The following ASTN2 variants were observed in gnomAD, a reference collection of about 807,000 sequenced individuals.
ASTN2 encodes astrotactin 2, also known as astrotactin-2.
Under a neutral mutation model 139.8 loss-of-function variants are expected in ASTN2, and 54 were observed. The observed-to-expected ratio is 0.39, with a 90% CI of 0.31 to 0.48. The LOEUF is 0.48. Ranked by LOEUF, ASTN2 falls within the 20% of genes least tolerant of loss-of-function variation. The probability of loss-of-function intolerance (pLI) is 0.95; values close to 1 mark genes in which losing one functional copy is unlikely to be tolerated. For synonymous variants in ASTN2, 756 were observed against 719.5 expected (o/e 1.05, Z -0.81); for missense variants, 1,565 against 1,725.1 (o/e 0.91, Z 1.64).
intron 6 of ASTN2, among the ~76,000 whole-genome samples, chr9:117,034,064 A>T (rs1427380121): frequency 6.6e-6 from 1 of 152,068 alleles, no homozygotes; most frequent in Non-Finnish European, 1.5e-5. Flanking sequence ...CACTTGAATA[A>T]CTTCCAATGT....
chr9:117,373,248 A>G (rs757182047), intron 1 of ASTN2, among the ~76,000 whole-genome samples: 1 of 152,204 alleles, frequency 6.6e-6, no homozygotes, highest in Non-Finnish European at 1.5e-5. Context: ...AGACTTCTAT[A>G]GATTTTTGTG....
intron 6 of ASTN2, among the ~76,000 whole-genome samples, chr9:117,035,674 G>C (rs1838364730): frequency 6.6e-6 from 1 of 152,164 alleles, no homozygotes. Context: ...GAGCAGCACT[G>C]ATAGAGTTTC....
At chr9:116,438,157 A>G (rs1157648213) in intron 22 of ASTN2, among the ~76,000 whole-genome samples, 1 of 152,162 alleles carries the variant, frequency 6.6e-6, no homozygotes, top group African/African-American at 2.4e-5. Context: ...TCTCCAATGC[A>G]CCAATGCCAC....
chr9:116,901,361 A>C (rs150836734), intron 10 of ASTN2, among the ~76,000 whole-genome samples: 66 of 152,222 alleles, frequency 4.3e-4, no homozygotes, highest in Admixed American at 7.8e-4. Context: ...AAAAAAAATA[A>C]TTTATAATTA....
intron 19 of ASTN2, among the ~76,000 whole-genome samples, chr9:116,536,707 T>A (rs1367495369): frequency 1.3e-5 from 2 of 152,230 alleles, no homozygotes; most frequent in African/African-American, 4.8e-5. Flanking sequence ...GCCTGATCGT[T>A]CCTCTGGAAT....
intron 1 of ASTN2, among the ~76,000 whole-genome samples, chr9:117,340,716 A>G (rs1201592435): frequency 1.3e-5 from 2 of 152,162 alleles, no homozygotes; most frequent in African/African-American, 4.8e-5. Context: ...AGTGCCATAA[A>G]AGGCACCATG....
rs138955356 is a variant in ASTN2 at position 116,639,854 on chromosome 9, A to C, written c.3072+11674T>G. 3.8e-3 allele frequency among the ~76,000 whole-genome samples: 585 copies of C among 152,332 alleles called. 9 individuals carry two copies. In the Middle Eastern group the frequency reaches 0.085, roughly 22 times the overall value. On this transcript the variant is annotated intron_variant, in intron 17 of 22. Transcript: ENST00000313400. ...TTCATGCTTCTATTGAAAGGAGCCA[A>C]TGTATGTGAAAACACCATGAAAGAG...
intron 20 of ASTN2, among the ~76,000 whole-genome samples, chr9:116,461,437 CAT>C (rs1389932390): frequency 6.6e-6 from 1 of 151,988 alleles, no homozygotes; most frequent in Non-Finnish European, 1.5e-5. Flanking sequence ...TATATGTACA[CAT>C]ATATAGGTGT....
intron 19 of ASTN2, among the ~76,000 whole-genome samples, chr9:116,510,238 TC>T (rs1307838978): frequency 6.6e-6 from 1 of 152,220 alleles, no homozygotes; most frequent in Non-Finnish European, 1.5e-5. Context: ...TAGCCAGTTT[TC>T]CCAGCACCAT....
chr9:116,727,641 A>G (rs1012188841), intron 15 of ASTN2, among the ~76,000 whole-genome samples: 3 of 152,142 alleles, frequency 2.0e-5, no homozygotes, highest in African/African-American at 7.2e-5. Flanking sequence ...TAATAACGAG[A>G]TGGTTTCTGT....
At chr9:116,681,430 G>A (rs1387267974) in intron 16 of ASTN2, among the ~76,000 whole-genome samples, 10 of 152,240 alleles carry the variant, frequency 6.6e-5, no homozygotes, top group South Asian at 4.1e-4. Flanking sequence ...AATTAATATC[G>A]TGAAAATGGC....
At chr9:116,600,323 C>CAAAAAAAAAAAAAAAAAA (rs35224783) in intron 19 of ASTN2, among the ~76,000 whole-genome samples, 1 of 118,944 alleles carries the variant, frequency 8.4e-6, no homozygotes, top group African/African-American at 3.4e-5. Context: ...GACCCTGTCT[C>CAAAAAAAAAAAAAAAAAA]AAAAAAAAAA....
intron 6 of ASTN2, among the ~76,000 whole-genome samples, chr9:117,009,104 C>A (rs1355289139): frequency 2.0e-5 from 3 of 152,128 alleles, no homozygotes; most frequent in African/African-American, 7.2e-5. Flanking sequence ...TATGACTCAG[C>A]TCCAGCAGCT....
chr9:116,652,611 A>G (rs1379485692), intron 16 of ASTN2, among the ~76,000 whole-genome samples: 1 of 152,176 alleles, frequency 6.6e-6, no homozygotes, highest in Non-Finnish European at 1.5e-5. Flanking sequence ...ATACCTCTGC[A>G]ACCTTAGGAA....
At chr9:117,274,082 A>G (rs533672187) in intron 2 of ASTN2, among the ~76,000 whole-genome samples, 1 of 152,198 alleles carries the variant, frequency 6.6e-6, no homozygotes, top group South Asian at 2.1e-4. Context: ...CTGGTGTGGT[A>G]GCTCACGCCT....
intron 16 of ASTN2, among the ~76,000 whole-genome samples, chr9:116,688,273 G>A (rs1481313896): frequency 6.6e-6 from 1 of 152,076 alleles, no homozygotes; most frequent in Non-Finnish European, 1.5e-5. Flanking sequence ...TTGGGGACAG[G>A]GTTTGGAGAG....
chr9:117,147,478 C>T (rs575008725), intron 3 of ASTN2, among the ~76,000 whole-genome samples: 5 of 151,518 alleles, frequency 3.3e-5, no homozygotes, highest in Admixed American at 1.3e-4. Context: ...CGTTATCCAC[C>T]GTTCTCTTCC....
chr9:117,253,962 C>G (rs758559187), intron 2 of ASTN2, among the ~76,000 whole-genome samples: 1 of 152,132 alleles, frequency 6.6e-6, no homozygotes, highest in East Asian at 1.9e-4. Context: ...TGAGTCTGAA[C>G]GCTCACAGGC....
chr9:117,121,374 A>G (rs1387586341), intron 4 of ASTN2, among the ~76,000 whole-genome samples: 1 of 152,240 alleles, frequency 6.6e-6, no homozygotes, highest in Non-Finnish European at 1.5e-5. Context: ...AGAGTTCAGC[A>G]GTCTGTGGCA....
Sources: gnomAD v4.1 joint callset for allele counts (sites outside exome capture counted in the v4.1 genomes callset) on GRCh38, gnomAD v4.1.1 for gene constraint, MANE v1.5 for transcripts, NCBI Gene and HGNC (gene_info 2026-07-23, HGNC 2026-07-21) for gene names.